The following RAB3C variants were observed in gnomAD, a reference collection of about 807,000 sequenced individuals.
The protein encoded by RAB3C is RAB3C, member RAS oncogene family.
RAB3C carries 17 observed loss-of-function variants against 26.4 expected under a neutral mutation model. The ratio of observed to expected loss-of-function variants is 0.64; its 90% CI spans 0.44 to 0.97. The LOEUF (loss-of-function observed/expected upper bound fraction) is 0.97. Among genes scored for constraint, RAB3C ranks in the 50% least tolerant of loss-of-function variants. The pLI is 0.00. For synonymous variants in RAB3C, 91 were observed against 95.9 expected, an observed-to-expected ratio of 0.95 and a Z score of 0.30; for missense variants, 242 against 281.9, an observed-to-expected ratio of 0.86 and a Z score of 1.01.
intron 2 of RAB3C, among the ~76,000 whole-genome samples, chr5:58,666,929 T>C (rs2111816847): frequency 6.6e-6 from 1 of 152,326 alleles, no homozygotes; most frequent in South Asian, 2.1e-4. Flanking sequence ...ATTTCTTTTA[T>C]TGCATCTGAA....
chr5:58,732,353 A>C (rs1198451596), intron 3 of RAB3C, among the ~76,000 whole-genome samples: 4 of 152,062 alleles, frequency 2.6e-5, no homozygotes, highest in Non-Finnish European at 5.9e-5. Flanking sequence ...GGAAAGGAGA[A>C]AAAACATATC....
At chr5:58,776,918 T>C (rs974723861) in intron 3 of RAB3C, among the ~76,000 whole-genome samples, 6 of 152,288 alleles carry the variant, frequency 3.9e-5, no homozygotes, top group East Asian at 1.9e-4. Flanking sequence ...CCACATTCTA[T>C]TGAGCAAAAC....
chr5:58,615,790 A>G (rs1746812359), intron 1 of RAB3C, among the ~76,000 whole-genome samples: 1 of 152,196 alleles, frequency 6.6e-6, no homozygotes. Context: ...AAGAAAATGT[A>G]AAATGCAATT....
At chr5:58,807,055 A>G (rs1270974685) in intron 3 of RAB3C, among the ~76,000 whole-genome samples, 2 of 152,232 alleles carry the variant, frequency 1.3e-5, no homozygotes, top group Non-Finnish European at 2.9e-5. Context: ...CGCCTGAGTA[A>G]TATAATCACC....
intron 2 of RAB3C, among the ~76,000 whole-genome samples, chr5:58,637,045 G>A (rs1217576110): frequency 6.6e-6 from 1 of 151,298 alleles, no homozygotes; most frequent in Non-Finnish European, 1.5e-5. Flanking sequence ...AGTAACCATG[G>A]AAAGAATGGG....
intron 3 of RAB3C, among the ~76,000 whole-genome samples, chr5:58,733,368 A>G (rs1741067258): frequency 6.6e-6 from 1 of 152,204 alleles, no homozygotes. Flanking sequence ...GCTATAAACA[A>G]TCACACTGGA....
chr5:58,736,169 C>T (rs1741129557), intron 3 of RAB3C, among the ~76,000 whole-genome samples: 1 of 152,184 alleles, frequency 6.6e-6, no homozygotes, highest in Non-Finnish European at 1.5e-5. Context: ...AGCATTGCAC[C>T]ATTCCTAGCC....
intron 2 of RAB3C, among the ~76,000 whole-genome samples, chr5:58,675,571 G>A (rs1211660379): frequency 6.7e-6 from 1 of 150,116 alleles, no homozygotes; most frequent in Non-Finnish European, 1.5e-5. Context: ...AAGGAAATGT[G>A]CTTCCCAACA....
At chr5:58,794,375 G>A (rs1742597557) in intron 3 of RAB3C, 1 of 151,436 alleles carries the variant, frequency 6.6e-6, no homozygotes, top group East Asian at 1.9e-4. Context: ...GAAGCTTGTG[G>A]GAACCATGAT....
chr5:58,809,477 A>G (rs1424563008), intron 3 of RAB3C, among the ~76,000 whole-genome samples: 1 of 152,192 alleles, frequency 6.6e-6, no homozygotes, highest in East Asian at 1.9e-4. Flanking sequence ...GTGCTAGGCA[A>G]GAAAAGCAAT....
intron 1 of RAB3C, among the ~76,000 whole-genome samples, chr5:58,591,085 G>C (rs994353965): frequency 6.6e-6 from 1 of 152,076 alleles, no homozygotes; most frequent in South Asian, 2.1e-4. Flanking sequence ...CTGATGACTA[G>C]TTAAATTCTA....
chr5:58,785,162 A>G (rs1742349646), intron 3 of RAB3C, among the ~76,000 whole-genome samples: 1 of 152,214 alleles, frequency 6.6e-6, no homozygotes, highest in Non-Finnish European at 1.5e-5. Context: ...TCTCTTCATC[A>G]TTGAAGTCTT....
intron 3 of RAB3C, among the ~76,000 whole-genome samples, chr5:58,766,876 G>A (rs963198815): frequency 6.6e-6 from 1 of 152,234 alleles, no homozygotes; most frequent in African/African-American, 2.4e-5. Flanking sequence ...ACATCTGGCA[G>A]AAGCTGATTC....
At chr5:58,779,362 ATATATATATATGATTTTATG>A (rs1742220685) in intron 3 of RAB3C, among the ~76,000 whole-genome samples, 1 of 148,044 alleles carries the variant, frequency 6.8e-6, no homozygotes, top group African/African-American at 2.5e-5. Context: ...AATATGATTT[ATATATATATATGATTTTATG>A]TATATATATA....
At chr5:58,803,769 T>C (rs1475290239) in intron 3 of RAB3C, among the ~76,000 whole-genome samples, 1 of 152,150 alleles carries the variant, frequency 6.6e-6, no homozygotes, top group Non-Finnish European at 1.5e-5. Context: ...CTTAAAAATA[T>C]GAAATTCTTG....
intron 2 of RAB3C, among the ~76,000 whole-genome samples, chr5:58,626,946 C>G (rs1334259387): frequency 6.6e-6 from 1 of 152,114 alleles, no homozygotes; most frequent in Non-Finnish European, 1.5e-5. Flanking sequence ...TTCTGGATTG[C>G]TCTCTGGATC....
chr5:58,787,223 T>G (rs1288100851), intron 3 of RAB3C, among the ~76,000 whole-genome samples: 2 of 152,212 alleles, frequency 1.3e-5, no homozygotes, highest in Admixed American at 6.5e-5. Flanking sequence ...CTGGCTTCCT[T>G]TCTGAACCTG....
intron 1 of RAB3C, among the ~76,000 whole-genome samples, chr5:58,588,306 G>A (rs1216292190): frequency 2.6e-5 from 4 of 152,092 alleles, no homozygotes; most frequent in African/African-American, 9.7e-5. Context: ...TGGGAGGACC[G>A]GCAATTCTCA....
At chr5:58,835,872 G>T (rs535973602) in intron 4 of RAB3C, among the ~76,000 whole-genome samples, 1 of 152,316 alleles carries the variant, frequency 6.6e-6, no homozygotes, top group East Asian at 1.9e-4. Context: ...TTAAATCAAG[G>T]ATGGCTTTCT....
Sources: allele counts gnomAD v4.1 joint callset (sites outside exome capture counted in the v4.1 genomes callset), GRCh38; gene constraint gnomAD v4.1.1; transcripts MANE v1.5; gene names NCBI Gene and HGNC (gene_info 2026-07-23, HGNC 2026-07-21).